The following CIB4 variants were observed in gnomAD, a reference collection of about 807,000 sequenced individuals.
CIB4 encodes calcium and integrin-binding family member 4.
Under a neutral mutation model 25.8 loss-of-function variants are expected in CIB4, and 25 were observed. The observed-to-expected ratio is 0.97, with a 90% CI of 0.71 to 1.35. The LOEUF is 1.35. Ranked by LOEUF, CIB4 falls within the 40% of genes most tolerant of loss-of-function variation. The pLI is 0.00. For missense variants in CIB4, 235 were observed against 228.2 expected, an observed-to-expected ratio of 1.03 and a Z score of -0.19; for synonymous variants, 75 against 81.4, an observed-to-expected ratio of 0.92 and a Z score of 0.42.
intron 2 of CIB4, among the ~76,000 whole-genome samples, chr2:26,634,209 T>C (rs1359851977): frequency 1.3e-5 from 2 of 152,150 alleles, no homozygotes; most frequent in African/African-American, 2.4e-5. Flanking sequence ...CAAACCCGAA[T>C]TCCCACTCCT....
chr2:26,581,292 C>T lies in CIB4; in HGVS notation c.*71G>A. 1 of 1,310,344 alleles carries T rather than the reference C, an allele frequency of 7.6e-7. No homozygotes were observed. The highest frequency in any genetic ancestry group is 1.1e-6 in the Non-Finnish European group (1 of 903,802). The allele number at this position is 1,310,344 out of a possible 1,614,324, so 81.2% of individuals were successfully genotyped here. A position where few individuals can be genotyped will look rare whatever the true frequency, so the allele number is the denominator to read the frequency against. On this transcript the variant is annotated 3_prime_UTR_variant, in exon 7 of 7. Coordinates refer to ENST00000288861, the MANE Select transcript of CIB4 (RefSeq NM_001029881.3). ...CAAAGTCATACTTCAAACCAGCTCC[C>T]TCCAGTGCTGGAGGGGGTTCGATTC...
At chr2:26,584,659 G>A (rs1326114735) in intron 4 of CIB4, among the ~76,000 whole-genome samples, 1 of 152,232 alleles carries the variant, frequency 6.6e-6, no homozygotes, top group East Asian at 1.9e-4. Flanking sequence ...TCCCAGGCAA[G>A]CCACAGCTGT....
At chr2:26,613,374 G>A (rs1198675695) in intron 3 of CIB4, among the ~76,000 whole-genome samples, 3 of 152,150 alleles carry the variant, frequency 2.0e-5, no homozygotes, top group Admixed American at 2.0e-4. Flanking sequence ...TCTGCAGGTG[G>A]AGCACCCCAG....
At chr2:26,606,859 G>T (rs1263279486) in intron 3 of CIB4, among the ~76,000 whole-genome samples, 1 of 152,200 alleles carries the variant, frequency 6.6e-6, no homozygotes, top group Non-Finnish European at 1.5e-5. Flanking sequence ...TGACAGATGG[G>T]CTGGCAGGGT....
At chr2:26,602,117 G>A (rs1303673153) in intron 3 of CIB4, among the ~76,000 whole-genome samples, 1 of 152,152 alleles carries the variant, frequency 6.6e-6, no homozygotes, top group African/African-American at 2.4e-5. Flanking sequence ...GAACTTTACT[G>A]GATGCAAATC....
chr2:26,589,012 T>C (rs868622960), intron 4 of CIB4, among the ~76,000 whole-genome samples: 2,103 of 24,438 alleles, frequency 0.086, 200 homozygotes, highest in African/African-American at 0.18. Context: ...CTTCTTCTTC[T>C]TCTTCTTCTT....
At chr2:26,614,049 G>A (rs1158342563) in intron 3 of CIB4, among the ~76,000 whole-genome samples, 1 of 151,308 alleles carries the variant, frequency 6.6e-6, no homozygotes, top group Non-Finnish European at 1.5e-5. Flanking sequence ...AGGGCCTGCA[G>A]AGGGTCAAAA....
chr2:26,623,560 A>T (rs1416357376), intron 3 of CIB4: 1 of 471,454 alleles, frequency 2.1e-6, no homozygotes. Context: ...TGGGAGATAC[A>T]TAGAAACCGA....
chr2:26,617,396 G>A (rs531099366), intron 3 of CIB4, among the ~76,000 whole-genome samples: 1 of 152,272 alleles, frequency 6.6e-6, no homozygotes, highest in Admixed American at 6.5e-5. Context: ...AAGTTGGCAG[G>A]ACAGTCTCTG....
chr2:26,624,750 G>T (rs1572567467), intron 3 of CIB4, among the ~76,000 whole-genome samples: 1 of 92,404 alleles, frequency 1.1e-5, no homozygotes, highest in African/African-American at 4.3e-5. Context: ...TGGGGGGCGG[G>T]GCAGGCAGGG....
At chr2:26,616,302 C>T (rs1222020249) in intron 3 of CIB4, among the ~76,000 whole-genome samples, 6 of 152,244 alleles carry the variant, frequency 3.9e-5, no homozygotes, top group Admixed American at 1.3e-4. Context: ...CCTGGGTGAG[C>T]GAAGAGTGGA....
intron 2 of CIB4, among the ~76,000 whole-genome samples, chr2:26,631,532 G>T (rs1669420367): frequency 6.6e-6 from 1 of 152,210 alleles, no homozygotes; most frequent in South Asian, 2.1e-4. Flanking sequence ...TGGAGACTCA[G>T]AGGTAGAGCA....
chr2:26,640,461 C>A, intron 2 of CIB4, 72 bp downstream of exon 2: 1 of 1,499,402 alleles, frequency 6.7e-7, no homozygotes. Context: ...CAGCGTGAGG[C>A]TGTATTAGGG....
At chr2:26,599,534 A>T (rs1668743420) in intron 3 of CIB4, among the ~76,000 whole-genome samples, 1 of 152,206 alleles carries the variant, frequency 6.6e-6, no homozygotes, top group Non-Finnish European at 1.5e-5. Context: ...AAAGCTTTTT[A>T]CAGTTGCTGG....
intron 3 of CIB4, among the ~76,000 whole-genome samples, chr2:26,598,203 G>A (rs1309461975): frequency 2.6e-5 from 4 of 151,886 alleles, no homozygotes; most frequent in Non-Finnish European, 5.9e-5. Flanking sequence ...GAGAGACTGA[G>A]GCAGGAGCAT....
chr2:26,597,600 T>C (rs1191016693), intron 3 of CIB4, among the ~76,000 whole-genome samples: 3 of 152,154 alleles, frequency 2.0e-5, no homozygotes, highest in Non-Finnish European at 4.4e-5. Context: ...CTATATCCAT[T>C]AAAGGGAAAA....
At chr2:26,590,258 TAAAAAAAA>T (rs869097756) in intron 4 of CIB4, among the ~76,000 whole-genome samples, 2 of 61,830 alleles carry the variant, frequency 3.2e-5, no homozygotes, top group Admixed American at 3.1e-4. Context: ...CAAGCATCTG[TAAAAAAAA>T]AAAAAAAAAA....
At chr2:26,620,512 G>T (rs1669185727) in intron 3 of CIB4, among the ~76,000 whole-genome samples, 1 of 152,170 alleles carries the variant, frequency 6.6e-6, no homozygotes, top group African/African-American at 2.4e-5. Context: ...TTGAGAACTG[G>T]GGAGTGAATA....
chr2:26,608,366 A>C (rs765884259), intron 3 of CIB4, among the ~76,000 whole-genome samples: 29 of 152,196 alleles, frequency 1.9e-4, no homozygotes, highest in Non-Finnish European at 2.8e-4. Context: ...AGAGGCACTA[A>C]CACATTGGCT....
Sources: gnomAD v4.1 joint callset for allele counts (sites outside exome capture counted in the v4.1 genomes callset) on GRCh38, gnomAD v4.1.1 for gene constraint, MANE v1.5 for transcripts, NCBI Gene and HGNC (gene_info 2026-07-23, HGNC 2026-07-21) for gene names.